Variants in FMNL1 observed in about 807,000 individuals in gnomAD.
The protein encoded by FMNL1 is formin like 1.
A neutral mutation model predicts 121.3 loss-of-function variants in FMNL1; 43 were observed. The observed-to-expected ratio is 0.35, with a 90% CI of 0.28 to 0.46. The LOEUF is 0.46. Among genes scored for constraint, FMNL1 ranks in the 20% least tolerant of loss-of-function variants. The probability of loss-of-function intolerance (pLI) is 1.00; values close to 1 mark genes in which losing one functional copy is unlikely to be tolerated. For synonymous variants in FMNL1, 613 were observed against 613.5 expected, an observed-to-expected ratio of 1.00 and a Z score of 0.01; for missense variants, 1,191 against 1,482.4, an observed-to-expected ratio of 0.80 and a Z score of 3.23.
Position 45,233,983 on chromosome 17 carries a change from G to A in FMNL1, c.486-89G>A. 1 of 1,528,134 alleles carries A rather than the reference G, an allele frequency of 6.5e-7. No individual in the cohort carries two copies. The highest frequency in any genetic ancestry group is 8.8e-7 in the Non-Finnish European group (1 of 1,133,114). The allele number at this position is 1,528,134 out of a possible 1,614,324, so 94.7% of individuals were successfully genotyped here. A position where few individuals can be genotyped will look rare whatever the true frequency, so the allele number is the denominator to read the frequency against. Reference sequence around the variant, plus strand: ...CTCCTCCTGCTCCTTAGTCTCACCTGCAGGTCTGTCTCTCCTTGCGTTTCC... The same window carrying A: ...CTCCTCCTGCTCCTTAGTCTCACCTACAGGTCTGTCTCTCCTTGCGTTTCC... On this transcript the variant is annotated intron_variant, in intron 5 of 26. Transcript: ENST00000331495. This position sits in a 1 kb window ranked among gnomAD's most constrained non-coding sequence, Gnocchi z 4.1.
At chr17:45,236,396 A>G in intron 7 of FMNL1, 152 bp downstream of exon 7, 1 of 620,268 alleles carries the variant, frequency 1.6e-6, no homozygotes, top group Non-Finnish European at 2.8e-6. Flanking sequence ...CAGGCTTTTA[A>G]GGCTGATGAG....
rs146916852 is a variant in FMNL1, at chr17:45,236,137, C to T, written c.616C>T (p.Leu206=). Reference sequence around the variant, plus strand: ...CTGCCTCCTCCACACCCCGCCCAGGCTGACCCCAGCCCACAGCAGGAAGGC... The same window carrying T: ...CTGCCTCCTCCACACCCCGCCCAGGTTGACCCCAGCCCACAGCAGGAAGGC... ...VPKSRHLTIK[L]TPAHSRKALR... The change falls in exon 7 of 27, where the codon CTG becomes TTG. Residue 206 remains leucine (L), a splice_region_variant and synonymous_variant. Transcript: ENST00000331495. 5.6e-5 allele frequency: 90 copies of T among 1,610,970 alleles called. No homozygotes were observed. The African/African-American group carries it at 1.0e-3, about 18-fold the overall frequency.
chr17:45,241,975 C>G lies in FMNL1; in HGVS notation c.1714C>G (p.Pro572Ala), dbSNP rs777005438. The G allele has an allele frequency of 7.6e-7, 1 of 1,316,506 alleles. No individual in the cohort carries two copies. The highest frequency in any genetic ancestry group is 1.9e-5 in the South Asian group (1 of 52,532). 81.6% of individuals were successfully genotyped at this position (1,316,506 alleles called of 1,614,324 possible). A position where few individuals can be genotyped will look rare whatever the true frequency, so the allele number is the denominator to read the frequency against. Residue 572 changes from proline to alanine, a missense_variant, in exon 15 of 27, where the codon CCG becomes GCG. This residue lies in a region of FMNL1 where 519 missense variants were observed against 492.8 expected (regional missense o/e 1.05). Transcript: ENST00000331495. The surrounding 1 kb of genome is among the most constrained non-coding windows in gnomAD (Gnocchi z 7.0). Reference sequence around the variant, plus strand: ...ACAGGCCCCGCCTCTCCCTGGCAGCCCGGAGCCCCCGCCTGCGCCGCCGCT... The same window carrying G: ...ACAGGCCCCGCCTCTCCCTGGCAGCGCGGAGCCCCCGCCTGCGCCGCCGCT... ...PPQAPPLPGSPEPPPAPPLPG... is the reference protein window; with the variant it reads ...PPQAPPLPGSAEPPPAPPLPG...
At position 45,238,589 on chromosome 17, in the gene FMNL1, A is replaced by T; in HGVS notation, c.920A>T (p.Glu307Val). The change falls in exon 10 of 27, where the codon GAA (glutamate) becomes GTA (valine). Residue 307 changes from glutamate (E) to valine (V), a missense_variant. Physicochemically the swap from Glu to Val is moderately radical, Grantham distance 121. Around this residue, in one of 4 missense-constraint regions of FMNL1, gnomAD observed 253 missense variants for 417.5 expected, o/e 0.61. Transcript: ENST00000331495. ...KEVCGEQHRF[E>V]KLMEYFRNED... Reference sequence around the variant, plus strand: ...GTGTGTGGGGAGCAGCACCGCTTTGAAAAGCTGATGGAATATTTCCGGAAT... The same window carrying T: ...GTGTGTGGGGAGCAGCACCGCTTTGTAAAGCTGATGGAATATTTCCGGAAT... 6.2e-7 allele frequency: 1 copy of T among 1,614,192 alleles called. No individual in the cohort carries two copies. Among genetic ancestry groups the T allele is most frequent in the South Asian group, 1.1e-5 (1 of 91,086 alleles).
At chr17:45,230,469 A>C (rs1031081115) in intron 1 of FMNL1, 135 bp from the exon 2 acceptor site, 12 of 697,434 alleles carry the variant, frequency 1.7e-5, no homozygotes, top group Non-Finnish European at 2.7e-5. Flanking sequence ...AACACTACGT[A>C]TCTCCTAGGG....
chr17:45,240,919 T>C, intron 12 of FMNL1: 1 of 703,224 alleles, frequency 1.4e-6, no homozygotes, highest in East Asian at 2.7e-5. Context: ...TCTCCTCCTC[T>C]CCCTCCACCT....
chr17:45,238,763 T>C (rs915426749), intron 10 of FMNL1, 125 bp downstream of exon 10: 17 of 1,284,338 alleles, frequency 1.3e-5, no homozygotes, highest in Admixed American at 2.0e-5. Context: ...GAGTGGTCAG[T>C]AGGGGAAGGG....
In FMNL1 at chr17:45,231,661, T is replaced by G. The variant is rs144822254; in HGVS notation, c.214-706T>G. 1.9e-4 allele frequency among the ~76,000 whole-genome samples: 29 copies of G among 151,994 alleles called. No homozygotes were observed. In the East Asian group the frequency reaches 5.2e-3, roughly 27 times the overall value. The stretch of plus-strand genomic sequence containing the variant: ...TTGCCGTGGTCCCTGCCTCTTTGTG[T>G]GAGTGGCCGCTGGAGCCTGCAGTGG... On this transcript the variant is annotated intron_variant, in intron 2 of 26. Transcript: ENST00000331495. The surrounding 1 kb of genome is among the most constrained non-coding windows in gnomAD (Gnocchi z 4.7).
chr17:45,246,712 G>C (rs2043846010), intron 26 of FMNL1, 108 bp downstream of exon 26: 7 of 1,162,018 alleles, frequency 6.0e-6, no homozygotes, highest in Admixed American at 2.4e-5. Flanking sequence ...GCTGGGATGT[G>C]ATTTGTGGGG....
chr17:45,246,902 G>A lies in FMNL1; in HGVS notation c.*44G>A, dbSNP rs763325986. On this transcript the variant is annotated 3_prime_UTR_variant, in exon 27 of 27. Coordinates refer to ENST00000331495, the MANE Select transcript of FMNL1 (RefSeq NM_005892.4). ...CCAGCCCTACATCCGCGCAGACACA[G>A]GCCGCCGCAGTGCCCGTCGGCGTCC... 5.3e-6 allele frequency: 4 copies of A among 756,786 alleles called. No individual in the cohort carries two copies. Among genetic ancestry groups the A allele is most frequent in the Non-Finnish European group, 9.6e-6 (4 of 414,870 alleles). The allele number at this position is 756,786 out of a possible 1,614,324, so 46.9% of individuals were successfully genotyped here. A position where few individuals can be genotyped will look rare whatever the true frequency, so the allele number is the denominator to read the frequency against.
chr17:45,241,109 A>AC lies in FMNL1; in HGVS notation c.1231-18dup, dbSNP rs2043679987. ...AGTGCCGGGCTGCGGGTCGGGGCTC[A>AC]CCATGTGCTGGTGCTACAGCTGACA... is the stretch of plus-strand genomic sequence containing the variant. On this transcript the variant is annotated intron_variant, in intron 12 of 26. Coordinates refer to ENST00000331495, the MANE Select transcript of FMNL1 (RefSeq NM_005892.4). The surrounding 1 kb of genome is among the most constrained non-coding windows in gnomAD (Gnocchi z 7.0). 6.2e-7 allele frequency: 1 copy of AC among 1,613,402 alleles called. No individual in the cohort carries two copies.
At chr17:45,230,023 A>AG (rs1388476275) in intron 1 of FMNL1, among the ~76,000 whole-genome samples, 11 of 151,970 alleles carry the variant, frequency 7.2e-5, no homozygotes, top group Admixed American at 2.0e-4. Flanking sequence ...TCCAAGTGGG[A>AG]GGGGGCTGGA....
chr17:45,241,690 A>G lies in FMNL1; in HGVS notation c.1585+56A>G, dbSNP rs2043700200. 1 of 1,452,338 alleles carries G rather than the reference A, an allele frequency of 6.9e-7. No homozygotes were observed. Among genetic ancestry groups the G allele is most frequent in the Non-Finnish European group, 9.0e-7 (1 of 1,107,400 alleles). 90.0% of individuals were successfully genotyped at this position (1,452,338 alleles called of 1,614,324 possible). A position where few individuals can be genotyped will look rare whatever the true frequency, so the allele number is the denominator to read the frequency against. On this transcript the variant is annotated intron_variant, in intron 14 of 26. Transcript: ENST00000331495. The surrounding 1 kb of genome is among the most constrained non-coding windows in gnomAD (Gnocchi z 7.0). ...CGGGGCAGGGTCTGGAGGGGAGCCC[A>G]GGGGCATCTGTGGCGGGCAGAGTTG...
chr17:45,223,327 C>T (rs2143132907), intron 1 of FMNL1, among the ~76,000 whole-genome samples: 1 of 152,324 alleles, frequency 6.6e-6, no homozygotes, highest in Middle Eastern at 3.4e-3. Flanking sequence ...GGCCCTCCAT[C>T]TCCTTGACAT....
In FMNL1 at chr17:45,243,314, T is replaced by G; in HGVS notation, c.2207T>G (p.Ile736Ser). The change falls in exon 17 of 27, where the codon ATT (isoleucine) becomes AGT (serine). Residue 736 changes from isoleucine (I) to serine (S), a missense_variant. This residue lies in a region of FMNL1 where 367 missense variants were observed against 528.6 expected (regional missense o/e 0.69). Coordinates refer to ENST00000331495, the MANE Select transcript of FMNL1 (RefSeq NM_005892.4). Reference sequence around the variant, plus strand: ...GGGGCCGAGCGCATCTGCCAAGCCATTGAGGCGTGAGTGTCCCTGTCCTGG... The same window carrying G: ...GGGGCCGAGCGCATCTGCCAAGCCAGTGAGGCGTGAGTGTCCCTGTCCTGG... ...NLGAERICQA[I>S]EAYDLQALGL... 6.2e-7 allele frequency: 1 copy of G among 1,613,244 alleles called. No individual in the cohort carries two copies. The highest frequency in any genetic ancestry group is 8.5e-7 in the Non-Finnish European group (1 of 1,179,784).
Position 45,244,264 on chromosome 17 carries a change from G to A in FMNL1, c.2517+20G>A. On this transcript the variant is annotated intron_variant, in intron 19 of 26. Coordinates refer to ENST00000331495, the MANE Select transcript of FMNL1 (RefSeq NM_005892.4). ...CTGGAGGTGAGGGGCCAGGAGGTGG[G>A]GCCCACCCTTGCCTGTTCTGGATAG... is the stretch of plus-strand genomic sequence containing the variant. 1 of 1,603,868 alleles carries A rather than the reference G, an allele frequency of 6.2e-7. No individual in the cohort carries two copies. The highest frequency in any genetic ancestry group is 8.5e-7 in the Non-Finnish European group (1 of 1,175,166).
intron 1 of FMNL1, among the ~76,000 whole-genome samples, chr17:45,223,917 G>A (rs992929197): frequency 2.0e-5 from 3 of 152,198 alleles, no homozygotes; most frequent in African/African-American, 7.2e-5. Context: ...GTTCTGATGT[G>A]TGTGTAGGAC....
intron 1 of FMNL1, among the ~76,000 whole-genome samples, chr17:45,228,061 G>A (rs1385733473): frequency 6.6e-6 from 1 of 152,120 alleles, no homozygotes; most frequent in Non-Finnish European, 1.5e-5. Flanking sequence ...CCATCCCATG[G>A]TGCTGCTGCC....
At chr17:45,240,815 T>C (rs2043672066) in intron 12 of FMNL1, 190 bp downstream of exon 12, 2 of 853,264 alleles carry the variant, frequency 2.3e-6, no homozygotes, top group East Asian at 2.7e-5. Flanking sequence ...TCTCAATGAG[T>C]GTGGGTGAGC....
Sources: allele counts gnomAD v4.1 joint callset (sites outside exome capture counted in the v4.1 genomes callset), GRCh38; gene constraint gnomAD v4.1.1; regional missense constraint gnomAD v4.1.1; non-coding constraint Gnocchi (gnomAD v3.1); transcripts MANE v1.5; gene names NCBI Gene and HGNC (gene_info 2026-07-23, HGNC 2026-07-21).